DNAH14: variants seen among roughly 807,000 people sequenced by gnomAD.
DNAH14 encodes the protein axonemal beta dynein heavy chain 14.
DNAH14 carries 478 observed loss-of-function variants against 520.9 expected under a neutral mutation model. That is an observed-to-expected ratio of 0.92 (90% CI 0.85 to 0.99). DNAH14 has a LOEUF of 0.99. DNAH14 is among the 50% of genes least tolerant of loss of function. The pLI is 0.00. For missense variants in DNAH14, 4,831 were observed against 5,234.5 expected (o/e 0.92, Z 2.38); for synonymous variants, 1,581 against 1,757.2 (o/e 0.90, Z 2.51).
At chr1:225,290,706 C>A (rs2093866565) in intron 55 of DNAH14, among the ~76,000 whole-genome samples, 1 of 110,520 alleles carries the variant, frequency 9.0e-6, no homozygotes, top group Non-Finnish European at 1.9e-5. Flanking sequence ...TCCTCCAAGT[C>A]TGTGGCTTGT....
At chr1:224,936,158 C>G (rs1285551727) in intron 1 of DNAH14, among the ~76,000 whole-genome samples, 1 of 151,326 alleles carries the variant, frequency 6.6e-6, no homozygotes, top group African/African-American at 2.4e-5. Context: ...CCTCAAGGAA[C>G]TAGAAAAGCA....
At chr1:224,996,829 C>G (rs1298825722) in intron 8 of DNAH14, among the ~76,000 whole-genome samples, 2 of 152,190 alleles carry the variant, frequency 1.3e-5, no homozygotes, top group Admixed American at 6.5e-5. Context: ...TGAGGTTTGC[C>G]TTCCTGCTTA....
chr1:225,374,663 A>G, intron 77 of DNAH14, 25 bp from the exon 78 acceptor site: 3 of 1,521,654 alleles, frequency 2.0e-6, no homozygotes, highest in Non-Finnish European at 2.7e-6. Context: ...TACTGAAATA[A>G]TAAAGACTCA....
chr1:225,377,355 G>T lies in DNAH14; in HGVS notation c.12635G>T (p.Cys4212Phe). 1 of 1,551,120 alleles carries T rather than the reference G, an allele frequency of 6.4e-7. No individual in the cohort carries two copies. The highest frequency in any genetic ancestry group is 1.2e-5 in the South Asian group (1 of 83,896). Residue 4212 changes from cysteine (C) to phenylalanine (F), a missense_variant, in exon 79 of 86, where the codon TGC becomes TTC. Transcript: ENST00000682510. ...LGIHPEAIRSCWETQGEKFIE... is the reference protein window; with the variant it reads ...LGIHPEAIRSFWETQGEKFIE... ...ATACACCCAGAGGCCATCAGGAGCTGCTGGGAGACCCAGGGCGAAAAGTTT... is the reference window on the plus strand; with the variant it reads ...ATACACCCAGAGGCCATCAGGAGCTTCTGGGAGACCCAGGGCGAAAAGTTT...
At chr1:225,107,133 G>A (rs556719488) in intron 23 of DNAH14, among the ~76,000 whole-genome samples, 9 of 152,284 alleles carry the variant, frequency 5.9e-5, no homozygotes, top group South Asian at 4.1e-4. Flanking sequence ...GGAGTTTGCC[G>A]GAGGTCCACT....
rs550272362 is a variant in DNAH14 at position 225,080,757 on chromosome 1, G to A, written c.3136+9G>A. ...CTCGGTACTAGAAAAAGGTAAAAAT[G>A]TGTTTCTCAAATTTTCCCACCTAGG... On this transcript the variant is annotated intron_variant, in intron 19 of 85. Transcript: ENST00000682510. 3 of 1,494,470 alleles carry A rather than the reference G, an allele frequency of 2.0e-6. No homozygotes were observed. In the South Asian group the frequency reaches 4.1e-5, roughly 21 times the overall value. The allele number at this position is 1,494,470 out of a possible 1,614,324, so 92.6% of individuals were successfully genotyped here.
chr1:225,140,062 T>A (rs2079296304), intron 27 of DNAH14, among the ~76,000 whole-genome samples: 1 of 152,238 alleles, frequency 6.6e-6, no homozygotes, highest in Non-Finnish European at 1.5e-5. Flanking sequence ...AACTTTATGC[T>A]AATTATTCCC....
At chr1:225,118,056 C>A (rs1173584782) in intron 25 of DNAH14, 57 bp downstream of exon 25, 1 of 1,326,076 alleles carries the variant, frequency 7.5e-7, no homozygotes, top group African/African-American at 1.5e-5. Flanking sequence ...TTTAAAATCT[C>A]TGCTTTGAAA....
intron 35 of DNAH14, among the ~76,000 whole-genome samples, chr1:225,166,911 C>T (rs1425185628): frequency 1.3e-5 from 2 of 152,184 alleles, no homozygotes; most frequent in Admixed American, 1.3e-4. Context: ...TTGTGAAACT[C>T]ATTAGCCAGG....
chr1:225,198,958 A>G (rs1381121794), intron 38 of DNAH14, among the ~76,000 whole-genome samples: 1 of 152,180 alleles, frequency 6.6e-6, no homozygotes, highest in Non-Finnish European at 1.5e-5. Context: ...TTCTGCCACG[A>G]ATCTGTCTAG....
At chr1:225,267,532 C>T (rs967474887) in intron 49 of DNAH14, among the ~76,000 whole-genome samples, 4 of 151,916 alleles carry the variant, frequency 2.6e-5, no homozygotes, top group African/African-American at 4.8e-5. Flanking sequence ...CCTCGTGATC[C>T]GCCTGCCTCG....
rs1403163991 is a variant in DNAH14, at chr1:225,389,712, C to A, written c.13191-22C>A. 7.1e-6 allele frequency: 11 copies of A among 1,551,398 alleles called. No individual in the cohort carries two copies. In the South Asian group the frequency reaches 8.3e-5, roughly 12 times the overall value. On this transcript the variant is annotated intron_variant, in intron 82 of 85. Coordinates refer to ENST00000682510, the MANE Select transcript of DNAH14 (RefSeq NM_001367479.1). The stretch of plus-strand genomic sequence containing the variant: ...CAATTATTATGCCCTTAACCCCCAA[C>A]CTGTGGTCTGCCTTCCACTAGGTAT...
chr1:225,217,526 T>A (rs1050990907), intron 41 of DNAH14, among the ~76,000 whole-genome samples: 1 of 152,182 alleles, frequency 6.6e-6, no homozygotes, highest in Non-Finnish European at 1.5e-5. Context: ...CAGGCAGGCC[T>A]CCTTGAGCTG....
At chr1:225,336,782 C>T (rs781354077) in intron 66 of DNAH14, among the ~76,000 whole-genome samples, 2 of 152,154 alleles carry the variant, frequency 1.3e-5, no homozygotes, top group African/African-American at 4.8e-5. Context: ...AAGTATCTAA[C>T]GTCTTTTAGC....
chr1:225,217,296 G>T (rs1030745679), intron 41 of DNAH14, among the ~76,000 whole-genome samples: 3 of 152,148 alleles, frequency 2.0e-5, no homozygotes, highest in Non-Finnish European at 4.4e-5. Flanking sequence ...GCCCTGCGAG[G>T]TGTCAGTTGA....
chr1:225,080,788 A>G (rs1388522895), intron 19 of DNAH14, 40 bp downstream of exon 19: 11 of 1,473,946 alleles, frequency 7.5e-6, no homozygotes, highest in Non-Finnish European at 9.9e-6. Flanking sequence ...CTAGGTCTAT[A>G]TACCAAATGG....
At chr1:224,965,032 G>T (rs995480033) in intron 5 of DNAH14, among the ~76,000 whole-genome samples, 6 of 151,940 alleles carry the variant, frequency 3.9e-5, no homozygotes, top group African/African-American at 1.5e-4. Context: ...TATCTCGTCT[G>T]GTCTGTATTT....
chr1:225,259,960 TA>T (rs989918338), intron 46 of DNAH14, among the ~76,000 whole-genome samples: 1 of 152,148 alleles, frequency 6.6e-6, no homozygotes, highest in African/African-American at 2.4e-5. Flanking sequence ...TATGCACATT[TA>T]AAAAATCCAT....
rs185972325 is a variant in DNAH14 at position 224,944,557 on chromosome 1, C to T, written c.-33-8113C>T. Among the ~76,000 whole-genome samples the T allele has an allele frequency of 4.2e-3, 636 of 152,172 alleles. 4 individuals carry two copies. The highest frequency in any genetic ancestry group is 0.015 in the African/African-American group (605 of 41,526). ...ATTATGATGTTAGCTGTTTATTTTG[C>T]TCGTTAGTTGATGAAGTTTCTTCCT... On this transcript the variant is annotated intron_variant, in intron 1 of 85. Transcript: ENST00000682510.
Sources: allele counts gnomAD v4.1 joint callset (sites outside exome capture counted in the v4.1 genomes callset), GRCh38; gene constraint gnomAD v4.1.1; transcripts MANE v1.5; gene names NCBI Gene and HGNC (gene_info 2026-07-23, HGNC 2026-07-21).